The following CPS1 variants were observed in gnomAD, a reference collection of about 807,000 sequenced individuals.
The protein encoded by CPS1 is carbamoyl-phosphate synthase 1, also known as carbamoyl-phosphate synthase [ammonia], mitochondrial.
In CPS1, 109 loss-of-function variants were observed where a neutral mutation model predicts 174.6. The observed-to-expected ratio is 0.62, with a 90% confidence interval of 0.53 to 0.73. The LOEUF (loss-of-function observed/expected upper bound fraction) is 0.73. Among genes scored for constraint, CPS1 ranks in the 30% least tolerant of loss-of-function variants. The pLI, the probability that CPS1 is intolerant of heterozygous loss-of-function variation, is 0.00. For missense variants in CPS1, 1,689 were observed against 1,821.9 expected (o/e 0.93, Z 1.33); for synonymous variants, 637 against 632.0 (o/e 1.01, Z -0.12).
chr2:210,524,897 G>A (rs1169485721), intron 1 of CPS1, among the ~76,000 whole-genome samples: 1 of 151,906 alleles, frequency 6.6e-6, no homozygotes, highest in African/African-American at 2.4e-5. Flanking sequence ...CTTTTGTGTT[G>A]CTTGGAATCC....
intron 1 of CPS1, among the ~76,000 whole-genome samples, chr2:210,491,936 A>T (rs922190749): frequency 4.6e-5 from 7 of 152,202 alleles, no homozygotes; most frequent in African/African-American, 1.4e-4. Context: ...TAAGGGTGGT[A>T]GCAATAAAGC....
intron 1 of CPS1, among the ~76,000 whole-genome samples, chr2:210,511,931 T>G (rs1026516178): frequency 3.9e-5 from 6 of 152,126 alleles, no homozygotes; most frequent in Non-Finnish European, 8.8e-5. Flanking sequence ...GAATTTCTCT[T>G]AAGTCTTATT....
intron 5 of CPS1, among the ~76,000 whole-genome samples, chr2:210,580,496 C>A (rs1458906695): frequency 6.6e-6 from 1 of 151,710 alleles, no homozygotes; most frequent in African/African-American, 2.4e-5. Context: ...AACTAAATTC[C>A]CCAAATGCAA....
chr2:210,556,386 G>A, upstream of CPS1: 1 of 484,468 alleles, frequency 2.1e-6, no homozygotes, highest in Non-Finnish European at 4.0e-6. Flanking sequence ...ATGATGTCTA[G>A]GTCATTCCAT....
At chr2:210,566,480 G>T (rs1270311628) in intron 1 of CPS1, among the ~76,000 whole-genome samples, 1 of 152,124 alleles carries the variant, frequency 6.6e-6, no homozygotes, top group African/African-American at 2.4e-5. Flanking sequence ...GGTAGTTCTT[G>T]GTTGACCTGG....
intron 33 of CPS1, among the ~76,000 whole-genome samples, chr2:210,664,539 A>G (rs937641663): frequency 1.3e-5 from 2 of 151,944 alleles, no homozygotes; most frequent in Non-Finnish European, 1.5e-5. Context: ...GCGTTTCTCC[A>G]TGTGGGTCAG....
chr2:210,561,084 T>C (rs1697083128), intron 1 of CPS1, among the ~76,000 whole-genome samples: 1 of 152,200 alleles, frequency 6.6e-6, no homozygotes. Context: ...TTCCATTTTT[T>C]ATATCCCCAA....
rs141380193 is a variant in CPS1, at chr2:210,636,880, G to C, written c.2688-822G>C. 5.9e-5 allele frequency among the ~76,000 whole-genome samples: 9 copies of C among 152,300 alleles called. No homozygotes were observed. In the East Asian group the frequency reaches 1.7e-3, roughly 29 times the overall value. ...AAAGTCTACGCTATGGAAAGGAGTA[G>C]GGGGAAAATAAGACAAATCTAGTTT... is the stretch of plus-strand genomic sequence containing the variant. On this transcript the variant is annotated intron_variant, in intron 21 of 37. Coordinates refer to ENST00000233072, the MANE Select transcript of CPS1 (RefSeq NM_001875.5).
At chr2:210,546,997 A>C (rs1238732075) in intron 1 of CPS1, among the ~76,000 whole-genome samples, 1 of 152,134 alleles carries the variant, frequency 6.6e-6, no homozygotes, top group Admixed American at 6.6e-5. Context: ...TGGTGAAAGA[A>C]CACCGTAGTA....
intron 21 of CPS1, among the ~76,000 whole-genome samples, chr2:210,630,543 C>T (rs756476078): frequency 6.6e-6 from 1 of 152,174 alleles, no homozygotes; most frequent in Non-Finnish European, 1.5e-5. Context: ...TGATGCCATA[C>T]TGTCACGTGA....
At chr2:210,620,221 C>T (rs1210649058) in intron 21 of CPS1, among the ~76,000 whole-genome samples, 1 of 151,974 alleles carries the variant, frequency 6.6e-6, no homozygotes, top group African/African-American at 2.4e-5. Flanking sequence ...GATATACTCA[C>T]ATATTTAGTA....
intron 28 of CPS1, among the ~76,000 whole-genome samples, chr2:210,653,710 A>G (rs1363406498): frequency 2.0e-5 from 3 of 152,216 alleles, no homozygotes; most frequent in East Asian, 3.8e-4. Context: ...CAGCAGAGAA[A>G]GAAGCCATAT....
chr2:210,489,221 A>G (rs1331540631), intron 1 of CPS1, among the ~76,000 whole-genome samples: 1 of 152,236 alleles, frequency 6.6e-6, no homozygotes, highest in Non-Finnish European at 1.5e-5. Flanking sequence ...TATATATTGC[A>G]GAATTTAAAG....
chr2:210,605,007 C>A, intron 16 of CPS1, 95 bp from the exon 17 acceptor site: 1 of 1,389,484 alleles, frequency 7.2e-7, no homozygotes, highest in Non-Finnish European at 1.0e-6. Flanking sequence ...GAGTTCAGTG[C>A]TGACCAGGAT....
chr2:210,591,745 A>G (rs1698306415), intron 9 of CPS1, 86 bp from the exon 10 acceptor site: 2 of 1,450,664 alleles, frequency 1.4e-6, no homozygotes, highest in African/African-American at 2.8e-5. Context: ...AATAGGCTTT[A>G]CTTGTTCACT....
At chr2:210,486,115 TACACACACACACACACACACACACAC>T (rs60740361) in intron 1 of CPS1, among the ~76,000 whole-genome samples, 13 of 135,666 alleles carry the variant, frequency 9.6e-5, no homozygotes, top group Admixed American at 2.2e-4. Context: ...CACACACACA[TACACACACACACACACACACACACAC>T]ACACACACAC....
At chr2:210,656,429 A>C (rs1409306108) in intron 29 of CPS1, 96 bp from the exon 30 acceptor site, 2 of 819,970 alleles carry the variant, frequency 2.4e-6, no homozygotes, top group African/African-American at 1.7e-5. Flanking sequence ...TGCTCAGTGC[A>C]TCTGTTAGGA....
At chr2:210,658,501 T>G (rs1222980019) in intron 30 of CPS1, 98 bp from the exon 31 acceptor site, 8 of 855,474 alleles carry the variant, frequency 9.4e-6, no homozygotes, top group Middle Eastern at 2.5e-4. Flanking sequence ...GAAGAGAAAT[T>G]AAAGACATCC....
chr2:210,667,878 C>A (rs75576992), intron 33 of CPS1, among the ~76,000 whole-genome samples: 3,858 of 152,258 alleles, frequency 0.025, 87 homozygotes, highest in Admixed American at 0.044. Context: ...TCAGTAGAAT[C>A]CAGTTATGTT....
Sources: allele counts gnomAD v4.1 joint callset (sites outside exome capture counted in the v4.1 genomes callset), GRCh38; gene constraint gnomAD v4.1.1; transcripts MANE v1.5; gene names NCBI Gene and HGNC (gene_info 2026-07-23, HGNC 2026-07-21).